The following ACSS2 variants were observed in gnomAD, a reference collection of about 807,000 sequenced individuals.
ACSS2 encodes the protein acyl-CoA synthetase short chain family member 2, also known as acetyl-coenzyme A synthetase, cytoplasmic.
A neutral mutation model predicts 90.6 loss-of-function variants in ACSS2; 58 were observed. The observed-to-expected ratio is 0.64, with a 90% CI of 0.52 to 0.80. The LOEUF (loss-of-function observed/expected upper bound fraction) is 0.80, where lower values mean the gene tolerates loss of function less well. Ranked by LOEUF, ACSS2 falls within the 30% of genes least tolerant of loss-of-function variation. ACSS2 has a pLI of 0.00. For synonymous variants in ACSS2, 300 were observed against 330.9 expected, an observed-to-expected ratio of 0.91 and a Z score of 1.01; for missense variants, 759 against 912.0, an observed-to-expected ratio of 0.83 and a Z score of 2.16.
upstream of ACSS2, chr20:34,876,551 C>G: frequency 7.8e-7 from 1 of 1,278,182 alleles, no homozygotes; most frequent in Non-Finnish European, 1.0e-6. Flanking sequence ...GGCCCCGCCC[C>G]TCTACGGAGG....
At chr20:34,887,105 T>A (rs867227014) in intron 2 of ACSS2, among the ~76,000 whole-genome samples, 1 of 152,250 alleles carries the variant, frequency 6.6e-6, no homozygotes, top group Non-Finnish European at 1.5e-5. Context: ...TTTTTAGAAC[T>A]TGAAGTGACC....
In ACSS2 at chr20:34,921,851, A is replaced by C. The variant is rs759623142; in HGVS notation, c.1533A>C (p.Glu511Asp). ...LNESGEELEG[E>D]AEGYLVFKQP... Reference sequence around the variant, plus strand: ...AGTCCGGGGAAGAGTTGGAAGGTGAAGCTGAAGGTTATCTGGTGAGGCCCT... The same window carrying C: ...AGTCCGGGGAAGAGTTGGAAGGTGACGCTGAAGGTTATCTGGTGAGGCCCT... Residue 511 changes from glutamate (E) to aspartate (D), a missense_variant, in exon 13 of 18, where the codon GAA (glutamate) becomes GAC (aspartate). By Grantham distance (45) the Glu-to-Asp change is conservative. Coordinates refer to ENST00000360596, the MANE Select transcript of ACSS2 (RefSeq NM_018677.4). The C allele has an allele frequency of 1.2e-6, 2 of 1,613,984 alleles. No homozygotes were observed. Among genetic ancestry groups the C allele is most frequent in the South Asian group, 2.2e-5 (2 of 91,046 alleles).
intron 2 of ACSS2, among the ~76,000 whole-genome samples, chr20:34,885,029 C>G (rs2080156231): frequency 6.6e-6 from 1 of 151,688 alleles, no homozygotes; most frequent in Non-Finnish European, 1.5e-5. Context: ...GCAAAACTCC[C>G]TCTCTACATA....
At chr20:34,875,265 G>T (rs2079882534), upstream of ACSS2, 1 of 486,230 alleles carries the variant, frequency 2.1e-6, no homozygotes, top group East Asian at 5.9e-5. Context: ...TAAAGAGATT[G>T]TGAAGGAAAG....
At chr20:34,908,928 A>G (rs2080878588) in intron 2 of ACSS2, 2 of 447,568 alleles carry the variant, frequency 4.5e-6, no homozygotes, top group South Asian at 1.6e-5. Context: ...AATTCATCCT[A>G]CAGATATACT....
rs1036639738 is a variant in ACSS2 at position 34,876,807 on chromosome 20, C to G, written c.162C>G (p.Ser54=). The change falls in exon 1 of 18, where the codon TCC becomes TCG. Residue 54 remains serine, a synonymous_variant. Transcript: ENST00000360596. Reference sequence around the variant, plus strand: ...GCTACCGCGAGCTGCACCGGCGCTCCGTGGAGGAGCCGCGGGGTGAGGCCC... The same window carrying G: ...GCTACCGCGAGCTGCACCGGCGCTCGGTGGAGGAGCCGCGGGGTGAGGCCC... ...LQRYRELHRR[S]VEEPREFWGD... 4 of 1,310,784 alleles carry G rather than the reference C, an allele frequency of 3.1e-6. No homozygotes were observed. The highest frequency in any genetic ancestry group is 2.2e-5 in the South Asian group (1 of 45,304). The allele number at this position is 1,310,784 out of a possible 1,614,324, so 81.2% of individuals were successfully genotyped here. A position where few individuals can be genotyped will look rare whatever the true frequency, so the allele number is the denominator to read the frequency against.
rs2081199801 is a variant in ACSS2, at chr20:34,921,561, T to C, written c.1428T>C (p.Thr476=). Residue 476 remains threonine (T), a synonymous_variant, in exon 12 of 18, where the codon ACT becomes ACC. Transcript: ENST00000360596. ...WQTETGGHML[T]PLPGATPMKP... ...TTCCCCAGGGTGGCCACATGTTGAC[T>C]CCCCTTCCTGGTGCCACACCCATGA... 6.2e-7 allele frequency: 1 copy of C among 1,614,156 alleles called. No individual in the cohort carries two copies. Among genetic ancestry groups the C allele is most frequent in the East Asian group, 2.2e-5 (1 of 44,874 alleles).
Position 34,927,628 on chromosome 20 carries a change from C to A in ACSS2, c.*414C>A. On this transcript the variant is annotated 3_prime_UTR_variant, in exon 18 of 18. Transcript: ENST00000360596. This position sits in a 1 kb window ranked among gnomAD's most constrained non-coding sequence, Gnocchi z 4.2. ...CCCTTAAAAACAATGATTTGTGAGT[C>A]CAGGAACAATTTACTATTTTTAAAA... 5.4e-6 allele frequency: 1 copy of A among 184,808 alleles called. No individual in the cohort carries two copies. The highest frequency in any genetic ancestry group is 5.3e-5 in the Admixed American group (1 of 18,714). The allele number at this position is 184,808 out of a possible 1,614,324, so 11.4% of individuals were successfully genotyped here.
rs777894893 is a variant in ACSS2 at position 34,919,429 on chromosome 20, C to G, written c.835-6C>G. On this transcript the variant is annotated splice_polypyrimidine_tract_variant and splice_region_variant and intron_variant, in intron 7 of 17. Coordinates refer to ENST00000360596, the MANE Select transcript of ACSS2 (RefSeq NM_018677.4). ...GTTCACAGTTCTTCCCTGCCCATCC[C>G]TGCAGATCTCATGGAACCAAGGGAT... 1 of 1,613,820 alleles carries G rather than the reference C, an allele frequency of 6.2e-7. No homozygotes were observed. Among genetic ancestry groups the G allele is most frequent in the South Asian group, 1.1e-5 (1 of 91,060 alleles).
chr20:34,915,364 C>T (rs2147082114), intron 7 of ACSS2: 1 of 1,345,916 alleles, frequency 7.4e-7, no homozygotes, highest in East Asian at 2.3e-5. Flanking sequence ...GACCTAACCT[C>T]CTTCCCCTTG....
intron 2 of ACSS2, among the ~76,000 whole-genome samples, chr20:34,890,475 TTAGC>T (rs2080307342): frequency 6.6e-6 from 1 of 151,652 alleles, no homozygotes; most frequent in South Asian, 2.1e-4. Context: ...TGGAAGGGAG[TTAGC>T]TAGTTGAAGG....
At chr20:34,903,870 CAAAAAAAAAA>C (rs11474981) in intron 2 of ACSS2, among the ~76,000 whole-genome samples, 1 of 93,488 alleles carries the variant, frequency 1.1e-5, no homozygotes, top group Admixed American at 1.2e-4. Context: ...GACATTGTCT[CAAAAAAAAAA>C]AAAAAAAAAA....
At position 34,921,783 on chromosome 20, in the gene ACSS2, T is replaced by A; in HGVS notation, c.1468-3T>A. On this transcript the variant is annotated splice_polypyrimidine_tract_variant and splice_region_variant and intron_variant, in intron 12 of 17. Coordinates refer to ENST00000360596, the MANE Select transcript of ACSS2 (RefSeq NM_018677.4). ...TTGGGTTCTGTCTCCCGTTTGCTTC[T>A]AGACTTTCCCATTCTTTGGTGTAGC... is the stretch of plus-strand genomic sequence containing the variant. 6.2e-7 allele frequency: 1 copy of A among 1,613,534 alleles called. No homozygotes were observed. Among genetic ancestry groups the A allele is most frequent in the South Asian group, 1.1e-5 (1 of 90,976 alleles).
chr20:34,877,121 G>A (rs2146950659), intron 1 of ACSS2, among the ~76,000 whole-genome samples: 1 of 152,226 alleles, frequency 6.6e-6, no homozygotes, highest in East Asian at 1.9e-4. Context: ...GGGACGGGGA[G>A]GTCGGCCAAG....
At chr20:34,926,793 G>A (rs2081328018) in intron 16 of ACSS2, 84 bp from the exon 17 acceptor site, 2 of 1,394,952 alleles carry the variant, frequency 1.4e-6, no homozygotes, top group East Asian at 4.6e-5. Context: ...GGAAACAGGT[G>A]GGGAACAAAG....
At chr20:34,892,745 C>T (rs2080364885) in intron 2 of ACSS2, among the ~76,000 whole-genome samples, 1 of 152,184 alleles carries the variant, frequency 6.6e-6, no homozygotes, top group South Asian at 2.1e-4. Flanking sequence ...AACAGCGGTG[C>T]TGATCTGGTT....
Position 34,927,382 on chromosome 20 carries a change from C to A in ACSS2, c.*168C>A. 2 of 902,830 alleles carry A rather than the reference C, an allele frequency of 2.2e-6. No homozygotes were observed. Among genetic ancestry groups the A allele is most frequent in the Non-Finnish European group, 3.4e-6 (2 of 591,612 alleles). The allele number at this position is 902,830 out of a possible 1,614,324, so 55.9% of individuals were successfully genotyped here. The stretch of plus-strand genomic sequence containing the variant: ...TCCAGGTAGAGACAACATCCTGTGA[C>A]TGCCAGGCAGAAAGGACAGGGCCCA... On this transcript the variant is annotated 3_prime_UTR_variant, in exon 18 of 18. Coordinates refer to ENST00000360596, the MANE Select transcript of ACSS2 (RefSeq NM_018677.4). The surrounding 1 kb of genome is among the most constrained non-coding windows in gnomAD (Gnocchi z 4.2).
upstream of ACSS2, chr20:34,876,579 C>T (rs2079913169): frequency 4.7e-6 from 6 of 1,283,500 alleles, no homozygotes; most frequent in East Asian, 1.3e-4. Context: ...TCTAGTTCGG[C>T]CTGTTTTCTC....
In ACSS2 at chr20:34,904,611, G is replaced by A. The variant is rs149537345; in HGVS notation, c.375-8485G>A. Among the ~76,000 whole-genome samples, 3 of 152,314 alleles carry A rather than the reference G, an allele frequency of 2.0e-5. No individual in the cohort carries two copies. In the East Asian group the frequency reaches 5.8e-4, roughly 29 times the overall value. ...CCTAATGGTAGTTTTGGACTAGGAT[G>A]GTAGAAATAGATGTGAAGAGAGGTA... On this transcript the variant is annotated intron_variant, in intron 2 of 17. Coordinates refer to ENST00000360596, the MANE Select transcript of ACSS2 (RefSeq NM_018677.4).
Sources: gnomAD v4.1 joint callset for allele counts (sites outside exome capture counted in the v4.1 genomes callset) on GRCh38, gnomAD v4.1.1 for gene constraint, Gnocchi (gnomAD v3.1) non-coding constraint, MANE v1.5 for transcripts, NCBI Gene and HGNC (gene_info 2026-07-23, HGNC 2026-07-21) for gene names.